The following ADGRB3 variants were observed in gnomAD, a reference collection of about 807,000 sequenced individuals.
ADGRB3 encodes brain-specific angiogenesis inhibitor 3.
In ADGRB3, 37 loss-of-function variants were observed where a neutral mutation model predicts 193.4. That is an observed-to-expected ratio of 0.19 (90% confidence interval 0.15 to 0.25). The LOEUF is 0.25. ADGRB3 is among the 10% of genes least tolerant of loss of function. The probability of loss-of-function intolerance (pLI) is 1.00; values close to 1 mark genes in which losing one functional copy is unlikely to be tolerated. For synonymous variants in ADGRB3, 690 were observed against 644.2 expected (o/e 1.07, Z -1.08); for missense variants, 1,637 against 1,852.9 (o/e 0.88, Z 2.14).
intron 3 of ADGRB3, among the ~76,000 whole-genome samples, chr6:68,777,898 G>C (rs1033721172): frequency 6.6e-6 from 1 of 151,888 alleles, no homozygotes; most frequent in African/African-American, 2.4e-5. Flanking sequence ...AAACATGCTG[G>C]AAAATGCAAT....
intron 3 of ADGRB3, among the ~76,000 whole-genome samples, chr6:68,778,017 T>C (rs570449725): frequency 6.6e-6 from 1 of 152,236 alleles, no homozygotes; most frequent in Admixed American, 6.6e-5. Flanking sequence ...AGTTTCAGTA[T>C]GTAAAAGACT....
intron 17 of ADGRB3, among the ~76,000 whole-genome samples, chr6:69,155,762 A>G (rs1363713758): frequency 1.3e-5 from 2 of 152,194 alleles, no homozygotes; most frequent in African/African-American, 2.4e-5. Flanking sequence ...ACACAAAATC[A>G]ACTGCTTCCT....
rs182125687 is a variant in ADGRB3 at position 69,353,970 on chromosome 6, G to A, written c.3460-263G>A. ...CCCAGCTACTTGAGAGGCTGAGGCA[G>A]GAAAATCACTTGAACCTGGGAAGCG... On this transcript the variant is annotated intron_variant, in intron 26 of 31. Coordinates refer to ENST00000370598, the MANE Select transcript of ADGRB3 (RefSeq NM_001704.3). Among the ~76,000 whole-genome samples, 153 of 152,288 alleles carry A rather than the reference G, an allele frequency of 1.0e-3. 1 individual carries two copies. The highest frequency in any genetic ancestry group is 8.8e-3 in the Admixed American group (135 of 15,296).
rs368432289 is a variant in ADGRB3 at position 68,882,905 on chromosome 6, G to GT, written c.758-47648dup. Among the ~76,000 whole-genome samples, 124 of 151,056 alleles carry GT rather than the reference G, an allele frequency of 8.2e-4. 1 individual carries two copies. Among genetic ancestry groups the GT allele is most frequent in the African/African-American group, 2.4e-3 (100 of 41,144 alleles). ...ACTAGTTTTTTTTTTGTTTTGTTTT[G>GT]TTTTTTGAGACAGAGTCTTGGTCTG... is the stretch of plus-strand genomic sequence containing the variant. On this transcript the variant is annotated intron_variant, in intron 3 of 31. Transcript: ENST00000370598.
Position 69,079,179 on chromosome 6 carries a change from A to C in ADGRB3, c.2480+3141A>C, listed in dbSNP as rs147261992. On this transcript the variant is annotated intron_variant, in intron 17 of 31. Transcript: ENST00000370598. ...ATTTTATTTTACTATCATTAGACAAAACATCTTTAGACAATTTAGAAACAT... is the reference window on the plus strand; with the variant it reads ...ATTTTATTTTACTATCATTAGACAACACATCTTTAGACAATTTAGAAACAT... 2.1e-3 allele frequency among the ~76,000 whole-genome samples: 319 copies of C among 152,194 alleles called. 2 individuals are homozygous for C. The highest frequency in any genetic ancestry group is 3.4e-3 in the Non-Finnish European group (231 of 67,922).
intron 3 of ADGRB3, among the ~76,000 whole-genome samples, chr6:68,713,021 A>G (rs1048019496): frequency 2.6e-5 from 4 of 151,944 alleles, no homozygotes; most frequent in Non-Finnish European, 4.4e-5. Context: ...TTATTTATAC[A>G]GCAGAATATT....
intron 20 of ADGRB3, among the ~76,000 whole-genome samples, chr6:69,318,850 TATGTATA>T (rs1768375438): frequency 7.8e-6 from 1 of 129,020 alleles, no homozygotes; most frequent in South Asian, 2.2e-4. Context: ...ATATATATAA[TATGTATA>T]ACTGTATATA....
At chr6:69,176,996 T>A (rs1775444654) in intron 17 of ADGRB3, among the ~76,000 whole-genome samples, 1 of 152,232 alleles carries the variant, frequency 6.6e-6, no homozygotes, top group Non-Finnish European at 1.5e-5. Flanking sequence ...CATTTCTGAT[T>A]GTGCTTATTT....
intron 3 of ADGRB3, among the ~76,000 whole-genome samples, chr6:68,876,978 T>G (rs1013988447): frequency 1.7e-4 from 26 of 152,130 alleles, no homozygotes; most frequent in African/African-American, 6.3e-4. Context: ...TTTTAAATGT[T>G]TAATCAGCAA....
intron 13 of ADGRB3, among the ~76,000 whole-genome samples, chr6:69,029,958 A>G (rs2150292385): frequency 7.0e-6 from 1 of 142,768 alleles, no homozygotes; most frequent in East Asian, 1.9e-4. Context: ...ATATATATAT[A>G]TATATGATAT....
chr6:69,174,317 T>A (rs1775366514), intron 17 of ADGRB3, among the ~76,000 whole-genome samples: 1 of 152,220 alleles, frequency 6.6e-6, no homozygotes, highest in African/African-American at 2.4e-5. Context: ...GAGTACCCAA[T>A]GTTTTGTTCC....
intron 8 of ADGRB3, 33 bp from the exon 9 acceptor site, chr6:68,974,730 C>T: frequency 6.3e-7 from 1 of 1,594,806 alleles, no homozygotes; most frequent in Non-Finnish European, 8.6e-7. Flanking sequence ...TTAAACACTA[C>T]TGACATTCAA....
intron 3 of ADGRB3, among the ~76,000 whole-genome samples, chr6:68,849,616 A>G (rs1562055501): frequency 6.6e-6 from 1 of 152,000 alleles, no homozygotes; most frequent in Admixed American, 6.6e-5. Context: ...ATTAAAGATG[A>G]AAATTCAAAT....
chr6:68,685,387 T>G (rs1464015381), intron 3 of ADGRB3, among the ~76,000 whole-genome samples: 2 of 151,904 alleles, frequency 1.3e-5, no homozygotes, highest in African/African-American at 2.4e-5. Flanking sequence ...ATTAAAAATA[T>G]GAGAGCCAAA....
chr6:69,250,202 T>A (rs1286990712), intron 20 of ADGRB3, among the ~76,000 whole-genome samples: 1 of 152,250 alleles, frequency 6.6e-6, no homozygotes, highest in Non-Finnish European at 1.5e-5. Context: ...GGATCTTATT[T>A]GTATCTGTTT....
chr6:68,815,634 T>G (rs200611026), intron 3 of ADGRB3, among the ~76,000 whole-genome samples: 5 of 121,024 alleles, frequency 4.1e-5, no homozygotes, highest in East Asian at 8.2e-4. Context: ...TGTGTGTGTG[T>G]GTGTGTGCAT....
chr6:68,970,914 C>G (rs1768542285), intron 8 of ADGRB3, among the ~76,000 whole-genome samples: 1 of 152,094 alleles, frequency 6.6e-6, no homozygotes, highest in African/African-American at 2.4e-5. Flanking sequence ...GTTACGGGAA[C>G]AAGATTGTAG....
chr6:69,193,426 A>G (rs1765235329), intron 17 of ADGRB3, among the ~76,000 whole-genome samples: 1 of 152,124 alleles, frequency 6.6e-6, no homozygotes, highest in East Asian at 1.9e-4. Context: ...AATATCTGTT[A>G]GTGGGTGTGG....
At chr6:68,703,985 T>A (rs1015357071) in intron 3 of ADGRB3, among the ~76,000 whole-genome samples, 1 of 152,176 alleles carries the variant, frequency 6.6e-6, no homozygotes, top group Non-Finnish European at 1.5e-5. Flanking sequence ...AATGTCATCT[T>A]TGTATTTAAA....
Sources: allele counts gnomAD v4.1 joint callset (sites outside exome capture counted in the v4.1 genomes callset), GRCh38; gene constraint gnomAD v4.1.1; transcripts MANE v1.5; gene names NCBI Gene and HGNC (gene_info 2026-07-23, HGNC 2026-07-21).